CSNK2A2IP: variants seen among roughly 807,000 people sequenced by gnomAD.
CSNK2A2IP encodes the protein casein kinase II subunit alpha'-interacting protein.
the CSNK2A2IP span, among the ~76,000 whole-genome samples, chr3:88,429,030 G>A: frequency 3.2e-5 from 3 of 95,088 alleles, 1 homozygote; most frequent in South Asian, 2.8e-4. Context: ...TTTTAGATAT[G>A]GGGTTTCATT....
At chr3:88,466,865 T>A in the CSNK2A2IP span, 1 of 1,128,844 alleles carries the variant, frequency 8.9e-7, no homozygotes, top group African/African-American at 1.6e-5. Context: ...ACACTTTCTG[T>A]CATACCAACA....
At chr3:88,447,538 A>G in the CSNK2A2IP span, among the ~76,000 whole-genome samples, 1 of 152,110 alleles carries the variant, frequency 6.6e-6, no homozygotes, top group South Asian at 2.1e-4. Context: ...TAAATAAGGG[A>G]AAATTATGGG....
At chr3:88,413,620 T>TATGTGGGTGTGTGC in the CSNK2A2IP span, among the ~76,000 whole-genome samples, 1 of 152,002 alleles carries the variant, frequency 6.6e-6, no homozygotes, top group Non-Finnish European at 1.5e-5. Flanking sequence ...TGTGTGTGTG[T>TATGTGGGTGTGTGC]ATGTGTGTGT....
chr3:88,403,978 T>C, the CSNK2A2IP span, among the ~76,000 whole-genome samples: 3 of 152,236 alleles, frequency 2.0e-5, no homozygotes, highest in East Asian at 3.9e-4. Context: ...TTCAATTCTT[T>C]TCTGATAATA....
chr3:88,351,601 T>C, the CSNK2A2IP span, among the ~76,000 whole-genome samples: 1 of 152,086 alleles, frequency 6.6e-6, no homozygotes, highest in Admixed American at 6.6e-5. Context: ...TATCACACCG[T>C]ATACTGTCTA....
At chr3:88,355,305 T>C in the CSNK2A2IP span, among the ~76,000 whole-genome samples, 1 of 152,082 alleles carries the variant, frequency 6.6e-6, no homozygotes, top group Non-Finnish European at 1.5e-5. Context: ...TGAAGAAAGT[T>C]TTTTTGTTTT....
the CSNK2A2IP span, among the ~76,000 whole-genome samples, chr3:88,409,649 A>G: frequency 2.0e-5 from 3 of 152,102 alleles, no homozygotes; most frequent in Non-Finnish European, 2.9e-5. Context: ...GACAAATTAT[A>G]GCACACATGC....
the CSNK2A2IP span, among the ~76,000 whole-genome samples, chr3:88,384,025 A>C: frequency 6.6e-6 from 1 of 152,080 alleles, no homozygotes; most frequent in Non-Finnish European, 1.5e-5. Flanking sequence ...GAATATAATA[A>C]CTTTTTCTAA....
At chr3:88,356,934 T>C in the CSNK2A2IP span, among the ~76,000 whole-genome samples, 2 of 152,174 alleles carry the variant, frequency 1.3e-5, no homozygotes, top group African/African-American at 2.4e-5. Context: ...TATTCATTTT[T>C]CAATTAGATG....
At chr3:88,413,037 G>A in the CSNK2A2IP span, among the ~76,000 whole-genome samples, 2 of 151,952 alleles carry the variant, frequency 1.3e-5, no homozygotes. Flanking sequence ...GCTTTCAGAA[G>A]CTAAATTTTT....
At chr3:88,425,877 G>A in the CSNK2A2IP span, among the ~76,000 whole-genome samples, 6 of 151,996 alleles carry the variant, frequency 3.9e-5, no homozygotes, top group South Asian at 2.1e-4. Context: ...TGTTGCTGGC[G>A]GTAGTAGGCA....
the CSNK2A2IP span, among the ~76,000 whole-genome samples, chr3:88,417,149 G>C: frequency 6.6e-6 from 1 of 151,504 alleles, no homozygotes; most frequent in African/African-American, 2.4e-5. Flanking sequence ...TATATACTGC[G>C]TTGATAGACA....
At chr3:88,444,500 G>C in the CSNK2A2IP span, among the ~76,000 whole-genome samples, 1 of 152,128 alleles carries the variant, frequency 6.6e-6, no homozygotes, top group Non-Finnish European at 1.5e-5. Context: ...CCTGCATTTA[G>C]AAGTTTAATA....
chr3:88,462,909 A>G, the CSNK2A2IP span, among the ~76,000 whole-genome samples: 3 of 152,258 alleles, frequency 2.0e-5, no homozygotes, highest in Non-Finnish European at 4.4e-5. Context: ...GAAGTTAATG[A>G]TATGTAACTA....
chr3:88,410,513 T>C, the CSNK2A2IP span, among the ~76,000 whole-genome samples: 4 of 152,068 alleles, frequency 2.6e-5, no homozygotes, highest in Non-Finnish European at 5.9e-5. Flanking sequence ...TTATCTTTTG[T>C]GGTCATCTGA....
At chr3:88,440,521 A>G in the CSNK2A2IP span, among the ~76,000 whole-genome samples, 1 of 152,212 alleles carries the variant, frequency 6.6e-6, no homozygotes, top group East Asian at 1.9e-4. Flanking sequence ...GGAAAAGGAT[A>G]TGTGACTGTT....
chr3:88,362,890 G>T, the CSNK2A2IP span, among the ~76,000 whole-genome samples: 2 of 152,084 alleles, frequency 1.3e-5, no homozygotes, highest in East Asian at 1.9e-4. Context: ...TCCTCTCTGC[G>T]CTGCACTACC....
the CSNK2A2IP span, among the ~76,000 whole-genome samples, chr3:88,460,768 T>A: frequency 6.6e-6 from 1 of 152,148 alleles, no homozygotes; most frequent in Non-Finnish European, 1.5e-5. Flanking sequence ...TTAGGAAGTA[T>A]TTTTTGTGTG....
chr3:88,407,231 T>C, the CSNK2A2IP span, among the ~76,000 whole-genome samples: 1 of 149,940 alleles, frequency 6.7e-6, no homozygotes, highest in African/African-American at 2.5e-5. Context: ...TTACCTGGCA[T>C]TGTGCAAATA....
Sources: gnomAD v4.1 joint callset for allele counts (sites outside exome capture counted in the v4.1 genomes callset) on GRCh38, gnomAD v4.1.1 for gene constraint, MANE v1.5 for transcripts, NCBI Gene and HGNC (gene_info 2026-07-23, HGNC 2026-07-21) for gene names.